PTK2B: variants seen among roughly 807,000 people sequenced by gnomAD.
PTK2B encodes the protein protein tyrosine kinase 2 beta.
Under a neutral mutation model 142.9 loss-of-function variants are expected in PTK2B, and 71 were observed. That is an observed-to-expected ratio of 0.50 (90% CI 0.41 to 0.61). The LOEUF (loss-of-function observed/expected upper bound fraction) is 0.61, where lower values mean the gene tolerates loss of function less well. Ranked by LOEUF, PTK2B falls within the 20% of genes least tolerant of loss-of-function variation. The pLI is 0.00. For synonymous variants in PTK2B, 519 were observed against 503.4 expected (o/e 1.03, Z -0.42); for missense variants, 1,105 against 1,320.4 (o/e 0.84, Z 2.53).
At chr8:27,394,577 A>G (rs907254294) in intron 1 of PTK2B, among the ~76,000 whole-genome samples, 6 of 152,246 alleles carry the variant, frequency 3.9e-5, no homozygotes, top group Non-Finnish European at 7.3e-5. Context: ...GGACATTACT[A>G]TGCACTACTG....
intron 24 of PTK2B, 48 bp from the exon 25 acceptor site, chr8:27,450,701 A>C: frequency 4.4e-6 from 7 of 1,608,972 alleles, no homozygotes; most frequent in Non-Finnish European, 6.0e-6. Flanking sequence ...CCTGAGTCTG[A>C]GAGCAGGGCT....
intron 22 of PTK2B, among the ~76,000 whole-genome samples, 177 bp downstream of exon 22, chr8:27,443,160 G>C (rs1811263757): frequency 6.6e-6 from 1 of 152,230 alleles, no homozygotes; most frequent in Non-Finnish European, 1.5e-5. Context: ...AGGTGGACTT[G>C]GAGATAGCAG....
chr8:27,430,553 T>A, intron 7 of PTK2B, 135 bp downstream of exon 7: 1 of 1,196,446 alleles, frequency 8.4e-7, no homozygotes, highest in Non-Finnish European at 1.2e-6. Context: ...ACAGGACCAC[T>A]AAATGTACCC....
At chr8:27,347,744 A>G (rs1305056323) in intron 1 of PTK2B, among the ~76,000 whole-genome samples, 7 of 152,232 alleles carry the variant, frequency 4.6e-5, no homozygotes, top group African/African-American at 1.7e-4. Flanking sequence ...GGACCTCAAC[A>G]TAGGAATTTT....
intron 9 of PTK2B, among the ~76,000 whole-genome samples, chr8:27,431,734 A>G (rs182740206): frequency 2.0e-5 from 3 of 152,362 alleles, no homozygotes; most frequent in African/African-American, 7.2e-5. Context: ...GATTACTCGC[A>G]GAGCTCAGCA....
intron 21 of PTK2B, 103 bp downstream of exon 21, chr8:27,440,544 G>T (rs538566027): frequency 5.8e-6 from 8 of 1,369,060 alleles, no homozygotes; most frequent in Middle Eastern, 2.6e-4. Context: ...TAAAGAAGAC[G>T]GGCCAGGGTC....
At chr8:27,325,872 C>A (rs1032380395) in intron 1 of PTK2B, among the ~76,000 whole-genome samples, 191 bp downstream of exon 1, 1 of 152,154 alleles carries the variant, frequency 6.6e-6, no homozygotes, top group African/African-American at 2.4e-5. Flanking sequence ...CAGCCTTCCG[C>A]GGGGAAGAGG....
chr8:27,385,892 C>CAAA lies in PTK2B; in HGVS notation c.-37-11639_-37-11637dup, dbSNP rs71553856. Among the ~76,000 whole-genome samples the CAAA allele has an allele frequency of 1.2e-3, 127 of 109,832 alleles. 2 individuals carry two copies. Among genetic ancestry groups the CAAA allele is most frequent in the African/African-American group, 3.0e-3 (84 of 27,560 alleles). 72.1% of individuals were successfully genotyped at this position (109,832 alleles called of 152,430 possible). Reference sequence around the variant, plus strand: ...TGGGTGACAAAGTGAGATTCCGTCTCAAAAAAAAAAAAAAAAAAAGACAGT... The same window carrying CAAA: ...TGGGTGACAAAGTGAGATTCCGTCTCAAAAAAAAAAAAAAAAAAAAAAGACAGT... On this transcript the variant is annotated intron_variant, in intron 1 of 30. Transcript: ENST00000346049.
chr8:27,412,307 A>G (rs1488751547), intron 2 of PTK2B, among the ~76,000 whole-genome samples: 9 of 152,160 alleles, frequency 5.9e-5, no homozygotes, highest in African/African-American at 1.7e-4. Flanking sequence ...CCAGCATTGC[A>G]GCCCCCATCC....
At chr8:27,398,943 C>T (rs936541771) in intron 2 of PTK2B, among the ~76,000 whole-genome samples, 3 of 152,234 alleles carry the variant, frequency 2.0e-5, no homozygotes, top group Non-Finnish European at 4.4e-5. Flanking sequence ...GTTTGATTGG[C>T]TCTCTCTGTT....
intron 1 of PTK2B, among the ~76,000 whole-genome samples, chr8:27,370,119 C>G (rs1475586603): frequency 2.0e-5 from 3 of 152,218 alleles, no homozygotes; most frequent in African/African-American, 7.2e-5. Flanking sequence ...AGCCATAACA[C>G]TCTGTGCAGT....
At chr8:27,411,466 C>A (rs1439938035) in intron 2 of PTK2B, among the ~76,000 whole-genome samples, 1 of 152,112 alleles carries the variant, frequency 6.6e-6, no homozygotes, top group Non-Finnish European at 1.5e-5. Flanking sequence ...GCACGAGAGC[C>A]CCTATCTCTG....
intron 1 of PTK2B, among the ~76,000 whole-genome samples, chr8:27,338,075 G>T: frequency 6.6e-6 from 1 of 152,186 alleles, no homozygotes; most frequent in East Asian, 1.9e-4. Flanking sequence ...GGATGAAGTA[G>T]TATCTTACTG....
At chr8:27,438,091 A>T (rs1810905862) in intron 18 of PTK2B, 3 of 530,616 alleles carry the variant, frequency 5.7e-6, no homozygotes. Context: ...TGGGGTTGTT[A>T]CGAGTAACTC....
chr8:27,451,486 C>T lies in PTK2B; in HGVS notation c.2525C>T (p.Thr842Met), dbSNP rs774185140. The T allele has an allele frequency of 2.8e-5, 46 of 1,614,124 alleles. No individual in the cohort carries two copies. In the East Asian group the frequency reaches 5.1e-4, roughly 18 times the overall value. The change falls in exon 27 of 31, where the codon ACG becomes ATG. Residue 842 changes from threonine (T) to methionine (M), a missense_variant and splice_region_variant. Coordinates refer to ENST00000346049, the MANE Select transcript of PTK2B (RefSeq NM_173176.3). ...MVYMNDKSPLTPEKEVGYLEF... is the reference protein window; with the variant it reads ...MVYMNDKSPLMPEKEVGYLEF... The stretch of plus-strand genomic sequence containing the variant: ...TGTTCTCTTTCCTCCTTCCTCCAGA[C>T]GCCAGAGAAGGAGGTCGGCTACCGT...
At chr8:27,367,325 G>A (rs557739435) in intron 1 of PTK2B, among the ~76,000 whole-genome samples, 1 of 152,320 alleles carries the variant, frequency 6.6e-6, no homozygotes, top group South Asian at 2.1e-4. Context: ...GCTGGAGGGT[G>A]TTCTGGGCTG....
chr8:27,388,489 TGAA>T (rs1033718517), intron 1 of PTK2B, among the ~76,000 whole-genome samples: 8 of 152,192 alleles, frequency 5.3e-5, no homozygotes, highest in African/African-American at 1.9e-4. Context: ...ATTGTTGTCT[TGAA>T]GTACTGGGTG....
chr8:27,357,594 G>A (rs919640088), intron 1 of PTK2B, among the ~76,000 whole-genome samples: 1 of 152,206 alleles, frequency 6.6e-6, no homozygotes, highest in South Asian at 2.1e-4. Context: ...TGTGAAACTG[G>A]GCTTTCTTCT....
chr8:27,343,199 CTTTGTTTGTTTGTTG>C (rs1804514202), intron 1 of PTK2B, among the ~76,000 whole-genome samples: 1 of 152,190 alleles, frequency 6.6e-6, no homozygotes, highest in Admixed American at 6.5e-5. Context: ...ATTGATCCTT[CTTTGTTTGTTTGTTG>C]TTTGTTTGTT....
Sources: allele counts gnomAD v4.1 joint callset (sites outside exome capture counted in the v4.1 genomes callset), GRCh38; gene constraint gnomAD v4.1.1; transcripts MANE v1.5; gene names NCBI Gene and HGNC (gene_info 2026-07-23, HGNC 2026-07-21).